Variants in DSCC1 observed in about 807,000 individuals in gnomAD.
DSCC1 encodes sister chromatid cohesion protein DCC1.
DSCC1 carries 32 observed loss-of-function variants against 48.2 expected under a neutral mutation model. The observed-to-expected ratio is 0.66, with a 90% confidence interval of 0.50 to 0.89. The LOEUF (loss-of-function observed/expected upper bound fraction) is 0.89. DSCC1 is among the 40% of genes least tolerant of loss of function. The pLI is 0.00. For missense variants in DSCC1, 421 were observed against 471.7 expected, an observed-to-expected ratio of 0.89 and a Z score of 1.00; for synonymous variants, 150 against 171.5, an observed-to-expected ratio of 0.87 and a Z score of 0.98.
chr8:119,836,377 CATT>C (rs1269268678), intron 8 of DSCC1, among the ~76,000 whole-genome samples: 1 of 152,050 alleles, frequency 6.6e-6, no homozygotes, highest in African/African-American at 2.4e-5. Context: ...ATGGAGGTCT[CATT>C]ATATTGTCAT....
chr8:119,846,276 G>A (rs1300749193), intron 4 of DSCC1, among the ~76,000 whole-genome samples: 1 of 151,998 alleles, frequency 6.6e-6, no homozygotes, highest in Admixed American at 6.6e-5. Context: ...ACCACGCCTG[G>A]TTGATTTTTG....
chr8:119,847,921 C>A (rs1201937265), intron 3 of DSCC1, among the ~76,000 whole-genome samples: 3 of 151,804 alleles, frequency 2.0e-5, no homozygotes, highest in Non-Finnish European at 2.9e-5. Context: ...CGCCTTGGTC[C>A]CCCAAAGTGC....
rs1025814106 is a variant in DSCC1 at position 119,849,991 on chromosome 8, T to C, written c.486+391A>G. On this transcript the variant is annotated intron_variant, in intron 3 of 8. Coordinates refer to ENST00000313655, the MANE Select transcript of DSCC1 (RefSeq NM_024094.3). Reference sequence around the variant, plus strand: ...TCCATTATGTCCCCTCTCAAGAGCATCTAGTCATAATTTTAATTAAATAAA... The same window carrying C: ...TCCATTATGTCCCCTCTCAAGAGCACCTAGTCATAATTTTAATTAAATAAA... Among the ~76,000 whole-genome samples, 5 of 152,180 alleles carry C rather than the reference T, an allele frequency of 3.3e-5. No individual in the cohort carries two copies. In the South Asian group the frequency reaches 8.3e-4, roughly 25 times the overall value.
chr8:119,836,983 A>C (rs1458476103), intron 8 of DSCC1, among the ~76,000 whole-genome samples: 1 of 152,208 alleles, frequency 6.6e-6, no homozygotes, highest in Non-Finnish European at 1.5e-5. Context: ...AATCAAGGAC[A>C]AATAATTAAC....
intron 2 of DSCC1, among the ~76,000 whole-genome samples, chr8:119,851,100 T>C (rs1220449883): frequency 3.3e-5 from 5 of 152,196 alleles, no homozygotes; most frequent in Non-Finnish European, 7.4e-5. Flanking sequence ...GATAAGAGGC[T>C]AGAGAATGGA....
Position 119,851,585 on chromosome 8 carries a change from T to C in DSCC1, c.352-1069A>G, listed in dbSNP as rs981916115. 2.0e-5 allele frequency among the ~76,000 whole-genome samples: 3 copies of C among 152,164 alleles called. No homozygotes were observed. The South Asian group carries it at 6.2e-4, about 31-fold the overall frequency. On this transcript the variant is annotated intron_variant, in intron 2 of 8. Coordinates refer to ENST00000313655, the MANE Select transcript of DSCC1 (RefSeq NM_024094.3). ...AGATTTCACCCCAAAAATCTAAATT[T>C]CAAGAATTACTTGGAAAAAATAAAT...
chr8:119,852,884 C>CAATAATAAT (rs145965795), intron 2 of DSCC1, 163 bp downstream of exon 2: 12 of 561,816 alleles, frequency 2.1e-5, no homozygotes, highest in Middle Eastern at 5.1e-4. Context: ...AACAAACAAG[C>CAATAATAAT]AATAATAATA....
chr8:119,843,493 C>A (rs1331927922), intron 5 of DSCC1, 116 bp downstream of exon 5: 2 of 1,390,170 alleles, frequency 1.4e-6, no homozygotes, highest in Admixed American at 2.4e-5. Context: ...GTAAACATTT[C>A]TCAAAGATAT....
intron 1 of DSCC1, among the ~76,000 whole-genome samples, chr8:119,855,143 G>A (rs376298028): frequency 3.0e-4 from 46 of 152,288 alleles, no homozygotes; most frequent in African/African-American, 1.1e-3. Flanking sequence ...TCCCTACTAA[G>A]CAAGTTTGCT....
chr8:119,853,486 C>T lies in DSCC1; in HGVS notation c.183-271G>A, dbSNP rs576555704. 4.6e-5 allele frequency among the ~76,000 whole-genome samples: 7 copies of T among 152,318 alleles called. No homozygotes were observed. In the South Asian group the frequency reaches 1.5e-3, roughly 32 times the overall value. On this transcript the variant is annotated intron_variant, in intron 1 of 8. Coordinates refer to ENST00000313655, the MANE Select transcript of DSCC1 (RefSeq NM_024094.3). ...GAGGCCAAGAGGCCAAATGGCACTACATGGCATCTTGTGCAAACTGCTGGA... is the reference window on the plus strand; with the variant it reads ...GAGGCCAAGAGGCCAAATGGCACTATATGGCATCTTGTGCAAACTGCTGGA...
intron 8 of DSCC1, among the ~76,000 whole-genome samples, chr8:119,836,053 CT>C (rs1260414656): frequency 4.6e-5 from 7 of 152,350 alleles, no homozygotes; most frequent in Non-Finnish European, 8.8e-5. Flanking sequence ...CGGCTCATGC[CT>C]GTAATCCCAG....
chr8:119,835,531 A>T (rs1291641174), intron 8 of DSCC1, among the ~76,000 whole-genome samples: 1 of 152,032 alleles, frequency 6.6e-6, no homozygotes, highest in Non-Finnish European at 1.5e-5. Flanking sequence ...AAAAAAAAGC[A>T]AAAAACAAAA....
chr8:119,853,310 T>G (rs1225226145), intron 1 of DSCC1, 95 bp from the exon 2 acceptor site: 9 of 1,286,786 alleles, frequency 7.0e-6, no homozygotes, highest in East Asian at 2.4e-5. Context: ...CTTGCAGAAC[T>G]TAGAATTAAG....
chr8:119,841,523 G>C (rs1013995422), intron 7 of DSCC1, among the ~76,000 whole-genome samples: 1 of 152,134 alleles, frequency 6.6e-6, no homozygotes, highest in African/African-American at 2.4e-5. Flanking sequence ...CGATCTTGTA[G>C]AGGTGATAGA....
At chr8:119,837,354 A>G (rs981867930) in intron 8 of DSCC1, among the ~76,000 whole-genome samples, 3 of 152,238 alleles carry the variant, frequency 2.0e-5, no homozygotes, top group African/African-American at 7.2e-5. Context: ...CTGCAAAGGA[A>G]GTAGGTGTAC....
intron 3 of DSCC1, among the ~76,000 whole-genome samples, chr8:119,847,762 T>G (rs1207803980): frequency 6.6e-6 from 1 of 151,418 alleles, no homozygotes; most frequent in African/African-American, 2.4e-5. Context: ...GCCTCCCAGG[T>G]TCAAACGATT....
intron 7 of DSCC1, chr8:119,840,416 T>C (rs945536063): frequency 6.6e-6 from 1 of 152,158 alleles, no homozygotes; most frequent in African/African-American, 2.4e-5. Flanking sequence ...TTAGAGAGAA[T>C]ATCATTCTAG....
At chr8:119,841,674 T>C (rs933806730) in intron 7 of DSCC1, 120 bp downstream of exon 7, 7 of 1,013,884 alleles carry the variant, frequency 6.9e-6, no homozygotes, top group Non-Finnish European at 9.9e-6. Flanking sequence ...TGGATGTACA[T>C]GCACTCCTAA....
intron 3 of DSCC1, among the ~76,000 whole-genome samples, chr8:119,847,945 G>A (rs1586581317): frequency 6.6e-6 from 1 of 151,710 alleles, no homozygotes; most frequent in African/African-American, 2.4e-5. Flanking sequence ...GATTACAGGC[G>A]TGAGCCACCC....
Sources: allele counts gnomAD v4.1 joint callset (sites outside exome capture counted in the v4.1 genomes callset), GRCh38; gene constraint gnomAD v4.1.1; transcripts MANE v1.5; gene names NCBI Gene and HGNC (gene_info 2026-07-23, HGNC 2026-07-21).